Variants in THEMIS observed in about 807,000 individuals in gnomAD.
THEMIS encodes thymocyte selection associated.
In THEMIS, 37 loss-of-function variants were observed where a neutral mutation model predicts 52.6. The ratio of observed to expected loss-of-function variants is 0.70; its 90% CI spans 0.54 to 0.93. THEMIS has a LOEUF of 0.93. Among genes scored for constraint, THEMIS ranks in the 40% least tolerant of loss-of-function variants. The pLI, the probability that THEMIS is intolerant of heterozygous loss-of-function variation, is 0.00. For missense variants in THEMIS, 808 were observed against 763.1 expected, an observed-to-expected ratio of 1.06 and a Z score of -0.69; for synonymous variants, 292 against 272.7, an observed-to-expected ratio of 1.07 and a Z score of -0.70.
intron 4 of THEMIS, among the ~76,000 whole-genome samples, chr6:127,726,268 C>T (rs1010554341): frequency 2.6e-5 from 4 of 151,942 alleles, no homozygotes; most frequent in African/African-American, 9.7e-5. Flanking sequence ...AGACAGTAGC[C>T]CTATGGAAAA....
At chr6:127,792,673 C>T (rs1777197818) in intron 4 of THEMIS, among the ~76,000 whole-genome samples, 1 of 152,098 alleles carries the variant, frequency 6.6e-6, no homozygotes, top group Non-Finnish European at 1.5e-5. Context: ...CTATACAGGC[C>T]ACTCTCCCCA....
At chr6:127,812,834 G>T (rs1286933910) in intron 4 of THEMIS, 49 bp downstream of exon 4, 1 of 1,499,026 alleles carries the variant, frequency 6.7e-7, no homozygotes, top group African/African-American at 1.4e-5. Flanking sequence ...GAAACAAATT[G>T]CCTGAAGGAA....
At chr6:127,738,850 C>T (rs910811191) in intron 4 of THEMIS, among the ~76,000 whole-genome samples, 15 of 152,088 alleles carry the variant, frequency 9.9e-5, no homozygotes, top group African/African-American at 3.1e-4. Context: ...TGATATGAAC[C>T]GCTATGTCCA....
the THEMIS span, among the ~76,000 whole-genome samples, chr6:127,700,957 C>A: frequency 6.6e-6 from 1 of 152,088 alleles, no homozygotes; most frequent in Non-Finnish European, 1.5e-5. Context: ...AAACTTTACC[C>A]CAGGGTACCC....
chr6:127,878,844 C>A (rs1422943888), intron 1 of THEMIS, among the ~76,000 whole-genome samples: 3 of 152,160 alleles, frequency 2.0e-5, no homozygotes, highest in Non-Finnish European at 4.4e-5. Context: ...AGAAAAGCAA[C>A]TAGCATGAAG....
intron 4 of THEMIS, among the ~76,000 whole-genome samples, chr6:127,757,395 A>T (rs187964735): frequency 6.6e-6 from 1 of 152,360 alleles, no homozygotes; most frequent in African/African-American, 2.4e-5. Flanking sequence ...TCACCCGTGC[A>T]TACATAAATG....
At chr6:127,705,720 C>T (rs1052296093), downstream of THEMIS, among the ~76,000 whole-genome samples, 3 of 152,120 alleles carry the variant, frequency 2.0e-5, no homozygotes, top group African/African-American at 7.2e-5. Flanking sequence ...CATCTCAGAC[C>T]AGGTGACACA....
intron 2 of THEMIS, among the ~76,000 whole-genome samples, chr6:127,851,866 A>T (rs1193128756): frequency 6.6e-6 from 1 of 151,626 alleles, no homozygotes; most frequent in Non-Finnish European, 1.5e-5. Context: ...TGAAAACACA[A>T]CCTACCTTAA....
the THEMIS span, among the ~76,000 whole-genome samples, chr6:127,697,961 C>T: frequency 6.6e-6 from 1 of 152,020 alleles, no homozygotes; most frequent in Non-Finnish European, 1.5e-5. Context: ...GTATCCTGGG[C>T]TTATGTATGT....
At chr6:127,722,992 G>C (rs1386437592) in intron 4 of THEMIS, among the ~76,000 whole-genome samples, 1 of 151,930 alleles carries the variant, frequency 6.6e-6, no homozygotes, top group Non-Finnish European at 1.5e-5. Flanking sequence ...CACATCTGAA[G>C]TCTATCATCA....
intron 1 of THEMIS, among the ~76,000 whole-genome samples, chr6:127,883,149 G>T (rs1373334342): frequency 6.6e-6 from 1 of 151,944 alleles, no homozygotes; most frequent in Non-Finnish European, 1.5e-5. Flanking sequence ...AACTAAATTT[G>T]TGTAGCCAAA....
downstream of THEMIS, among the ~76,000 whole-genome samples, chr6:127,707,281 A>G (rs1231747054): frequency 1.3e-5 from 2 of 152,170 alleles, no homozygotes; most frequent in African/African-American, 4.8e-5. Flanking sequence ...TGGGAAGGTC[A>G]GCATGACTTG....
chr6:127,879,817 G>A (rs1286749159), intron 1 of THEMIS, among the ~76,000 whole-genome samples: 1 of 151,936 alleles, frequency 6.6e-6, no homozygotes, highest in Non-Finnish European at 1.5e-5. Flanking sequence ...TAACCAAGCT[G>A]GTCTTCAACT....
chr6:127,864,387 G>C (rs1197175050), intron 1 of THEMIS, among the ~76,000 whole-genome samples: 1 of 152,110 alleles, frequency 6.6e-6, no homozygotes, highest in East Asian at 1.9e-4. Flanking sequence ...TTCTTATTGA[G>C]AGAAGTAAAA....
chr6:127,874,301 T>C (rs1780247977), intron 1 of THEMIS, among the ~76,000 whole-genome samples: 1 of 152,196 alleles, frequency 6.6e-6, no homozygotes, highest in South Asian at 2.1e-4. Context: ...TTTTATGTAG[T>C]TGTGATTTAA....
intron 2 of THEMIS, among the ~76,000 whole-genome samples, chr6:127,847,037 T>A (rs1005953606): frequency 2.0e-5 from 3 of 152,018 alleles, no homozygotes; most frequent in African/African-American, 7.2e-5. Context: ...AGAAATCACA[T>A]AATTGTCTCA....
At chr6:127,872,047 A>G (rs1426769741) in intron 1 of THEMIS, among the ~76,000 whole-genome samples, 1 of 152,194 alleles carries the variant, frequency 6.6e-6, no homozygotes, top group Non-Finnish European at 1.5e-5. Context: ...ATAGACAAAA[A>G]TCCTTCACAG....
At position 127,855,011 on chromosome 6, in the gene THEMIS, T is replaced by C. The variant is rs1178706483; in HGVS notation, c.250+19A>G. On this transcript the variant is annotated intron_variant, in intron 2 of 5. Transcript: ENST00000368248. ...ACAATATAGTTGTACAAATGATAAG[T>C]GGTTGCAATGTGCTGTACCTGGAAA... The C allele has an allele frequency of 1.9e-6, 3 of 1,577,156 alleles. No individual in the cohort carries two copies. Among genetic ancestry groups the C allele is most frequent in the South Asian group, 2.4e-5 (2 of 84,218 alleles).
chr6:127,894,818 T>C (rs553873179), intron 1 of THEMIS, among the ~76,000 whole-genome samples: 1 of 151,566 alleles, frequency 6.6e-6, no homozygotes, highest in Non-Finnish European at 1.5e-5. Context: ...TAGCAAAATT[T>C]ATGTAACTCA....
Sources: allele counts gnomAD v4.1 joint callset (sites outside exome capture counted in the v4.1 genomes callset), GRCh38; gene constraint gnomAD v4.1.1; transcripts MANE v1.5; gene names NCBI Gene and HGNC (gene_info 2026-07-23, HGNC 2026-07-21).